The following AFG2A variants were observed in gnomAD, a reference collection of about 807,000 sequenced individuals.
The protein encoded by AFG2A is AAA ATPase AFG2A.
chr4:123,146,379 A>C, the AFG2A span, among the ~76,000 whole-genome samples: 11 of 152,202 alleles, frequency 7.2e-5, no homozygotes, highest in African/African-American at 2.7e-4. Flanking sequence ...ATAAGAGCCA[A>C]GTAATTTGTT....
chr4:123,289,185 G>A, the AFG2A span, among the ~76,000 whole-genome samples: 1 of 151,980 alleles, frequency 6.6e-6, no homozygotes, highest in Non-Finnish European at 1.5e-5. Context: ...ACCCCGTTCT[G>A]AATCTCCAGT....
At chr4:123,021,434 G>A in the AFG2A span, among the ~76,000 whole-genome samples, 3 of 152,104 alleles carry the variant, frequency 2.0e-5, no homozygotes, top group African/African-American at 7.2e-5. Context: ...GTTACTGTGT[G>A]TTGCTTTCCA....
At chr4:122,976,664 G>T in the AFG2A span, among the ~76,000 whole-genome samples, 1 of 152,078 alleles carries the variant, frequency 6.6e-6, no homozygotes. Flanking sequence ...AATCTTACAT[G>T]TATGCACATC....
chr4:123,037,815 C>G, the AFG2A span, among the ~76,000 whole-genome samples: 1 of 152,030 alleles, frequency 6.6e-6, no homozygotes. Flanking sequence ...TAACTTTCAT[C>G]TAAAATCTTA....
At chr4:122,978,213 C>T in the AFG2A span, among the ~76,000 whole-genome samples, 2 of 152,126 alleles carry the variant, frequency 1.3e-5, no homozygotes, top group Non-Finnish European at 2.9e-5. Flanking sequence ...GAGAGGAGAC[C>T]TGGAGTGGGT....
chr4:123,105,048 C>T, the AFG2A span, among the ~76,000 whole-genome samples: 1 of 152,188 alleles, frequency 6.6e-6, no homozygotes, highest in Non-Finnish European at 1.5e-5. Flanking sequence ...TAATCTAGGA[C>T]TTTCATAGCT....
chr4:123,104,778 TA>T, the AFG2A span, among the ~76,000 whole-genome samples: 3 of 152,200 alleles, frequency 2.0e-5, no homozygotes, highest in Non-Finnish European at 4.4e-5. Flanking sequence ...AGCAAAGCCC[TA>T]ATGCTCTTCA....
the AFG2A span, among the ~76,000 whole-genome samples, chr4:123,299,646 T>C: frequency 2.6e-5 from 4 of 152,210 alleles, no homozygotes. Context: ...CTCTTTCCAA[T>C]GATACTTTGT....
the AFG2A span, among the ~76,000 whole-genome samples, chr4:122,933,175 T>C: frequency 6.6e-6 from 1 of 152,220 alleles, no homozygotes; most frequent in African/African-American, 2.4e-5. Flanking sequence ...TGAGGCTGAC[T>C]GAAATGATTT....
At chr4:123,167,246 ATATACT>A in the AFG2A span, among the ~76,000 whole-genome samples, 32 of 149,114 alleles carry the variant, frequency 2.1e-4, no homozygotes, top group Admixed American at 9.4e-4. Context: ...TCTATATATA[ATATACT>A]TATATGTAGG....
At chr4:123,043,406 T>G in the AFG2A span, among the ~76,000 whole-genome samples, 1 of 151,294 alleles carries the variant, frequency 6.6e-6, no homozygotes. Flanking sequence ...TTTGCCTATG[T>G]TTTTGTCATC....
chr4:122,996,865 C>T, the AFG2A span, among the ~76,000 whole-genome samples: 78 of 152,130 alleles, frequency 5.1e-4, no homozygotes, highest in African/African-American at 1.8e-3. Flanking sequence ...ACGTAGAGTC[C>T]CAATATCCAA....
At chr4:123,172,058 T>C in the AFG2A span, among the ~76,000 whole-genome samples, 1 of 152,164 alleles carries the variant, frequency 6.6e-6, no homozygotes, top group Non-Finnish European at 1.5e-5. Context: ...GAGTGTATCG[T>C]TCTTTTTGTT....
At chr4:123,007,666 C>CACACATAT in the AFG2A span, among the ~76,000 whole-genome samples, 3 of 126,236 alleles carry the variant, frequency 2.4e-5, no homozygotes, top group Non-Finnish European at 3.3e-5. Context: ...CACACACACA[C>CACACATAT]ATATATGGAC....
At chr4:123,241,371 C>T in the AFG2A span, among the ~76,000 whole-genome samples, 1 of 152,076 alleles carries the variant, frequency 6.6e-6, no homozygotes, top group Non-Finnish European at 1.5e-5. Context: ...AACATCGATG[C>T]GAGAATCCTC....
At chr4:122,984,440 A>C in the AFG2A span, among the ~76,000 whole-genome samples, 1 of 152,066 alleles carries the variant, frequency 6.6e-6, no homozygotes, top group Non-Finnish European at 1.5e-5. Context: ...GATGCCTTTC[A>C]TTTCTTTCTA....
At chr4:123,062,141 A>G in the AFG2A span, among the ~76,000 whole-genome samples, 1 of 152,206 alleles carries the variant, frequency 6.6e-6, no homozygotes, top group Non-Finnish European at 1.5e-5. Flanking sequence ...GGTAGTCTTC[A>G]TCAAATTGAA....
chr4:123,067,449 G>A, the AFG2A span, among the ~76,000 whole-genome samples: 11 of 151,952 alleles, frequency 7.2e-5, no homozygotes. Context: ...CCCGGGAGGT[G>A]TAGGTTGCAG....
chr4:123,105,509 A>G, the AFG2A span, among the ~76,000 whole-genome samples: 2 of 152,164 alleles, frequency 1.3e-5, no homozygotes, highest in African/African-American at 4.8e-5. Flanking sequence ...TCTTAAGGCT[A>G]TTGCTGCTGT....
Sources: gnomAD v4.1 joint callset for allele counts (sites outside exome capture counted in the v4.1 genomes callset) on GRCh38, gnomAD v4.1.1 for gene constraint, MANE v1.5 for transcripts, NCBI Gene and HGNC (gene_info 2026-07-23, HGNC 2026-07-21) for gene names.